The following MYO5B variants were observed in gnomAD, a reference collection of about 807,000 sequenced individuals.
MYO5B encodes the protein unconventional myosin-Vb.
In MYO5B, 143 loss-of-function variants were observed where a neutral mutation model predicts 229.3. The ratio of observed to expected loss-of-function variants is 0.62; its 90% confidence interval spans 0.54 to 0.72. The LOEUF (loss-of-function observed/expected upper bound fraction) is 0.72. Ranked by LOEUF, MYO5B falls within the 30% of genes least tolerant of loss-of-function variation. MYO5B has a pLI of 0.00. For missense variants in MYO5B, 2,321 were observed against 2,331.0 expected, an observed-to-expected ratio of 1.00 and a Z score of 0.09; for synonymous variants, 918 against 885.2, an observed-to-expected ratio of 1.04 and a Z score of -0.66.
At chr18:49,833,167 A>G (rs1034099991) in intron 39 of MYO5B, among the ~76,000 whole-genome samples, 3 of 152,254 alleles carry the variant, frequency 2.0e-5, no homozygotes, top group African/African-American at 7.2e-5. Context: ...ATTCAACAGC[A>G]AAAGGCATGT....
intron 1 of MYO5B, among the ~76,000 whole-genome samples, chr18:50,070,946 G>A (rs556158956): frequency 2.6e-5 from 4 of 152,274 alleles, no homozygotes; most frequent in African/African-American, 9.6e-5. Context: ...TCAGCCTCCT[G>A]GGTAGCTGGG....
intron 1 of MYO5B, among the ~76,000 whole-genome samples, chr18:50,172,238 G>A (rs115551962): frequency 0.016 from 2,234 of 141,722 alleles, 55 homozygotes; most frequent in African/African-American, 0.056. Context: ...CCATGATCAC[G>A]CCATTGCACT....
chr18:50,112,172 G>A (rs756696742), intron 1 of MYO5B, among the ~76,000 whole-genome samples: 22 of 152,282 alleles, frequency 1.4e-4, no homozygotes, highest in Non-Finnish European at 2.4e-4. Flanking sequence ...GGACAGAAAC[G>A]AGAGAGCAAA....
chr18:49,888,571 A>C (rs1287869082), intron 22 of MYO5B, among the ~76,000 whole-genome samples: 1 of 152,202 alleles, frequency 6.6e-6, no homozygotes, highest in Non-Finnish European at 1.5e-5. Context: ...TGGTTGCAGC[A>C]CGGGCACTGA....
chr18:50,026,602 C>T (rs2026333846), intron 4 of MYO5B, among the ~76,000 whole-genome samples: 1 of 152,208 alleles, frequency 6.6e-6, no homozygotes, highest in South Asian at 2.1e-4. Flanking sequence ...AAAGTAAAAT[C>T]TGTTCTGAGG....
At chr18:49,991,471 G>A (rs956662181) in intron 6 of MYO5B, among the ~76,000 whole-genome samples, 9 of 152,150 alleles carry the variant, frequency 5.9e-5, no homozygotes, top group South Asian at 4.1e-4. Context: ...TTCTATCGGC[G>A]TTGTGAGTTG....
chr18:50,041,381 C>T (rs2030010474), intron 2 of MYO5B, among the ~76,000 whole-genome samples: 2 of 152,142 alleles, frequency 1.3e-5, no homozygotes, highest in Non-Finnish European at 2.9e-5. Flanking sequence ...ATGTTCCTCT[C>T]ACCCCATCTT....
At chr18:50,005,609 G>A (rs1046736952) in intron 4 of MYO5B, among the ~76,000 whole-genome samples, 1 of 152,156 alleles carries the variant, frequency 6.6e-6, no homozygotes, top group Non-Finnish European at 1.5e-5. Flanking sequence ...TAGAGATGGG[G>A]TTTTGCCTTG....
At chr18:49,868,320 G>A (rs1250333989) in intron 27 of MYO5B, among the ~76,000 whole-genome samples, 4 of 150,324 alleles carry the variant, frequency 2.7e-5, no homozygotes, top group African/African-American at 9.8e-5. Flanking sequence ...ACATTAAGGA[G>A]AAAAAAAAAC....
At chr18:50,055,848 A>G (rs576585886) in intron 1 of MYO5B, among the ~76,000 whole-genome samples, 1 of 152,342 alleles carries the variant, frequency 6.6e-6, no homozygotes, top group Admixed American at 6.5e-5. Context: ...GCAGAAGTGA[A>G]AGAAAGTGGT....
intron 17 of MYO5B, among the ~76,000 whole-genome samples, chr18:49,921,081 G>C (rs532204570): frequency 3.3e-5 from 5 of 152,222 alleles, no homozygotes; most frequent in Non-Finnish European, 7.4e-5. Context: ...GATTAAATAG[G>C]GAGAGGAAGC....
chr18:50,164,904 C>T (rs888443376), intron 1 of MYO5B, among the ~76,000 whole-genome samples: 3 of 152,220 alleles, frequency 2.0e-5, no homozygotes, highest in Admixed American at 2.0e-4. Context: ...AATCTCAAGA[C>T]TGGGAGTGTA....
Position 49,990,026 on chromosome 18 carries a change from T to C in MYO5B, c.838+413A>G, listed in dbSNP as rs544883355. ...ATTCTCTGCTTTATCCTCACCCCTT[T>C]CTCTTTGCCTCAATCCTAAACTATG... On this transcript the variant is annotated intron_variant, in intron 7 of 39. Coordinates refer to ENST00000285039, the MANE Select transcript of MYO5B (RefSeq NM_001080467.3). Among the ~76,000 whole-genome samples, 16 of 152,306 alleles carry C rather than the reference T, an allele frequency of 1.1e-4. No individual in the cohort carries two copies. In the South Asian group the frequency reaches 3.3e-3, roughly 32 times the overall value.
intron 1 of MYO5B, among the ~76,000 whole-genome samples, chr18:50,083,412 C>T (rs1277694347): frequency 2.0e-5 from 3 of 152,284 alleles, no homozygotes; most frequent in Admixed American, 6.5e-5. Context: ...TTGGTCTCTC[C>T]GACATTCAGC....
chr18:50,166,661 C>T (rs929132356), intron 1 of MYO5B, among the ~76,000 whole-genome samples: 2 of 152,106 alleles, frequency 1.3e-5, no homozygotes, highest in African/African-American at 4.8e-5. Context: ...CTTAGCCACT[C>T]CCCACCCCCC....
chr18:50,152,031 G>A (rs2032607071), intron 1 of MYO5B, among the ~76,000 whole-genome samples: 1 of 152,204 alleles, frequency 6.6e-6, no homozygotes, highest in South Asian at 2.1e-4. Flanking sequence ...CAGTGAGAGA[G>A]ATGACGGAAA....
chr18:49,976,718 G>A (rs1347733501), intron 9 of MYO5B, among the ~76,000 whole-genome samples: 1 of 152,142 alleles, frequency 6.6e-6, no homozygotes, highest in African/African-American at 2.4e-5. Context: ...GGGTGGGTGT[G>A]GAGAAGCCCC....
At chr18:50,133,846 CA>C (rs1327375823) in intron 1 of MYO5B, among the ~76,000 whole-genome samples, 1 of 150,716 alleles carries the variant, frequency 6.6e-6, no homozygotes, top group African/African-American at 2.4e-5. Flanking sequence ...CATATGGCCA[CA>C]AAAAAAAGGA....
At chr18:49,938,084 A>T (rs2025271113) in intron 14 of MYO5B, among the ~76,000 whole-genome samples, 1 of 152,160 alleles carries the variant, frequency 6.6e-6, no homozygotes, top group Non-Finnish European at 1.5e-5. Flanking sequence ...GATGCGCAGA[A>T]CTTCATTTCC....
Sources: allele counts gnomAD v4.1 joint callset (sites outside exome capture counted in the v4.1 genomes callset), GRCh38; gene constraint gnomAD v4.1.1; transcripts MANE v1.5; gene names NCBI Gene and HGNC (gene_info 2026-07-23, HGNC 2026-07-21).